The following DOCK8 variants were observed in gnomAD, a reference collection of about 807,000 sequenced individuals.
DOCK8 encodes the protein dedicator of cytokinesis protein 8.
A neutral mutation model predicts 245.6 loss-of-function variants in DOCK8; 141 were observed. The observed-to-expected ratio is 0.57, with a 90% CI of 0.50 to 0.66. The LOEUF is 0.66. DOCK8 is among the 30% of genes least tolerant of loss of function. DOCK8 has a pLI of 0.00. For synonymous variants in DOCK8, 1,168 were observed against 970.2 expected, an observed-to-expected ratio of 1.20 and a Z score of -3.79; for missense variants, 2,965 against 2,603.4, an observed-to-expected ratio of 1.14 and a Z score of -3.02.
chr9:400,851 T>TCAC (rs1413590356), intron 26 of DOCK8, among the ~76,000 whole-genome samples: 2 of 10,118 alleles, frequency 2.0e-4, no homozygotes, highest in Non-Finnish European at 3.3e-4. Context: ...ACCTCCACCA[T>TCAC]CACCACCTCC....
At chr9:359,584 T>C (rs2052620384) in intron 14 of DOCK8, among the ~76,000 whole-genome samples, 4 of 152,218 alleles carry the variant, frequency 2.6e-5, no homozygotes, top group African/African-American at 9.7e-5. Context: ...GCAATTTCCT[T>C]CTGAATCCTT....
intron 46 of DOCK8, 114 bp downstream of exon 46, chr9:452,231 A>C: frequency 1.4e-6 from 1 of 690,348 alleles, no homozygotes; most frequent in South Asian, 1.5e-5. Context: ...AGTCTCAGGC[A>C]CCCTCCAGAC....
rs1587081270 is a variant in DOCK8 at position 446,943 on chromosome 9, T to G, written c.5817+337T>G. Among the ~76,000 whole-genome samples the G allele has an allele frequency of 5.9e-5, 9 of 152,008 alleles. No individual in the cohort carries two copies. The South Asian group carries it at 1.9e-3, about 32-fold the overall frequency. On this transcript the variant is annotated intron_variant, in intron 44 of 47. Coordinates refer to ENST00000432829, the MANE Select transcript of DOCK8 (RefSeq NM_203447.4). ...ACCTTTTAAATATTTTATATAAAATTTTTCTATATTTCAAAGCTTAGAGGT... is the reference window on the plus strand; with the variant it reads ...ACCTTTTAAATATTTTATATAAAATGTTTCTATATTTCAAAGCTTAGAGGT...
chr9:315,449 C>G (rs2050303519), intron 6 of DOCK8, among the ~76,000 whole-genome samples: 1 of 151,968 alleles, frequency 6.6e-6, no homozygotes, highest in Non-Finnish European at 1.5e-5. Flanking sequence ...CTTGATTTAA[C>G]AAAATAACAG....
chr9:214,604 G>C, upstream of DOCK8: 1 of 1,613,888 alleles, frequency 6.2e-7, no homozygotes, highest in Non-Finnish European at 8.5e-7. Context: ...TCGGGCAGAT[G>C]GAGCTTCCGG....
intron 28 of DOCK8, among the ~76,000 whole-genome samples, chr9:411,255 A>C (rs921922422): frequency 6.6e-6 from 1 of 152,136 alleles, no homozygotes; most frequent in African/African-American, 2.4e-5. Context: ...TCTACTAAAA[A>C]TACAAAAATT....
At chr9:352,598 C>A (rs7048327) in intron 14 of DOCK8, among the ~76,000 whole-genome samples, 85,611 of 151,526 alleles carry the variant, frequency 0.56, 25,171 homozygotes, top group East Asian at 0.82. Flanking sequence ...AAAAAATTAG[C>A]TGGGCGTGGT....
At chr9:272,535 G>C (rs1408530973) in intron 2 of DOCK8, among the ~76,000 whole-genome samples, 4 of 152,024 alleles carry the variant, frequency 2.6e-5, no homozygotes, top group African/African-American at 9.7e-5. Flanking sequence ...ACAGGCGCAT[G>C]CCACCACACC....
intron 14 of DOCK8, among the ~76,000 whole-genome samples, chr9:354,716 G>C (rs956467564): frequency 6.6e-6 from 1 of 152,166 alleles, no homozygotes; most frequent in Non-Finnish European, 1.5e-5. Flanking sequence ...TGAGGGCGTC[G>C]GTTCCTCACT....
intron 46 of DOCK8, 54 bp from the exon 47 acceptor site, chr9:463,463 T>C: frequency 6.2e-7 from 1 of 1,602,306 alleles, no homozygotes; most frequent in African/African-American, 1.3e-5. Context: ...TGTTCTCAGA[T>C]TTCTAAGCAC....
At chr9:385,573 C>G (rs2053918105) in intron 22 of DOCK8, among the ~76,000 whole-genome samples, 1 of 152,104 alleles carries the variant, frequency 6.6e-6, no homozygotes. Flanking sequence ...GGTTTGCTAC[C>G]ACACTGCATT....
In DOCK8 at chr9:446,587, G is replaced by C; in HGVS notation, c.5798G>C (p.Ser1933Thr). 6.2e-7 allele frequency: 1 copy of C among 1,614,212 alleles called. No individual in the cohort carries two copies. Among genetic ancestry groups the C allele is most frequent in the African/African-American group, 1.3e-5 (1 of 75,060 alleles). Reference sequence around the variant, plus strand: ...TTCCCCTACATCAAGACCAGGATCAGCGTCATCCAGAAGGAGGAGGTAATG... The same window carrying C: ...TTCCCCTACATCAAGACCAGGATCACCGTCATCCAGAAGGAGGAGGTAATG... Reference protein sequence around the residue: ...HAFPYIKTRISVIQKEEFVLT... With the variant: ...HAFPYIKTRITVIQKEEFVLT... The change falls in exon 44 of 48, where the codon AGC (serine) becomes ACC (threonine). Residue 1933 changes from serine (S) to threonine (T), a missense_variant. Around this residue, in one of 3 missense-constraint regions of DOCK8, gnomAD observed 2,825 missense variants for 2,453.5 expected, o/e 1.15. Transcript: ENST00000432829.
chr9:451,976 TA>T (rs771355648), intron 45 of DOCK8, 34 bp from the exon 46 acceptor site: 8,322 of 163,090 alleles, frequency 0.051, 442 homozygotes, highest in African/African-American at 0.18. Flanking sequence ...TATATATATA[TA>T]TTTTTTTTTT....
rs535476206 is a variant in DOCK8, at chr9:329,664, TTC to T, written c.1044+1497_1044+1498del. ...GATAGCCCTGTAGGTAAGTTCACAATTCTCTGTCAGCCTAGGAAACTGAAGAA... is the reference window on the plus strand; with the variant it reads ...GATAGCCCTGTAGGTAAGTTCACAATTCTGTCAGCCTAGGAAACTGAAGAA... On this transcript the variant is annotated intron_variant, in intron 9 of 47. Transcript: ENST00000432829. Among the ~76,000 whole-genome samples the T allele has an allele frequency of 5.5e-4, 84 of 152,322 alleles. 1 individual carries two copies. The South Asian group carries it at 8.1e-3, about 15-fold the overall frequency.
intron 37 of DOCK8, among the ~76,000 whole-genome samples, 166 bp from the exon 38 acceptor site, chr9:433,709 G>A (rs2056797292): frequency 1.3e-5 from 2 of 152,194 alleles, no homozygotes; most frequent in African/African-American, 2.4e-5. Context: ...CTGGGCTGGC[G>A]AAGATGAAAA....
chr9:327,956 T>C, intron 8 of DOCK8, 66 bp from the exon 9 acceptor site: 4 of 1,516,758 alleles, frequency 2.6e-6, no homozygotes, highest in Non-Finnish European at 3.7e-6. Flanking sequence ...TTTACTCCTT[T>C]TTAACATGTT....
chr9:260,851 C>T (rs918223044), intron 1 of DOCK8, among the ~76,000 whole-genome samples: 6 of 152,194 alleles, frequency 3.9e-5, no homozygotes, highest in East Asian at 1.9e-4. Flanking sequence ...AATACTCCTC[C>T]ATAATAAAAA....
At chr9:308,583 A>G (rs1033408239) in intron 5 of DOCK8, among the ~76,000 whole-genome samples, 10 of 152,372 alleles carry the variant, frequency 6.6e-5, no homozygotes, top group Middle Eastern at 3.4e-3. Context: ...ATTAGATTAT[A>G]TTATGCATAA....
At chr9:225,960 C>G (rs1401052009) in intron 1 of DOCK8, among the ~76,000 whole-genome samples, 1 of 151,974 alleles carries the variant, frequency 6.6e-6, no homozygotes, top group East Asian at 1.9e-4. Context: ...AGGAGGAGAG[C>G]TGAAGAGGGA....
Sources: gnomAD v4.1 joint callset for allele counts (sites outside exome capture counted in the v4.1 genomes callset) on GRCh38, gnomAD v4.1.1 for gene constraint, gnomAD v4.1.1 regional missense constraint, MANE v1.5 for transcripts, NCBI Gene and HGNC (gene_info 2026-07-23, HGNC 2026-07-21) for gene names.